Variants in TECPR1 observed in about 807,000 individuals in gnomAD.
The protein encoded by TECPR1 is tectonin beta-propeller repeat containing 1, also known as tectonin beta-propeller repeat-containing protein 1.
A neutral mutation model predicts 162.4 loss-of-function variants in TECPR1; 122 were observed. That is an observed-to-expected ratio of 0.75 (90% CI 0.65 to 0.87). The LOEUF (loss-of-function observed/expected upper bound fraction) is 0.87, where lower values mean the gene tolerates loss of function less well. Ranked by LOEUF, TECPR1 falls within the 40% of genes least tolerant of loss-of-function variation. The pLI, the probability that TECPR1 is intolerant of heterozygous loss-of-function variation, is 0.00. For missense variants in TECPR1, 1,432 were observed against 1,618.2 expected (o/e 0.88, Z 1.97); for synonymous variants, 642 against 670.6 (o/e 0.96, Z 0.66).
At chr7:98,230,137 C>T (rs1798386318) in intron 15 of TECPR1, among the ~76,000 whole-genome samples, 1 of 151,820 alleles carries the variant, frequency 6.6e-6, no homozygotes, top group Non-Finnish European at 1.5e-5. Flanking sequence ...GCTGGAACTA[C>T]AAGTGCATGA....
chr7:98,234,052 C>T (rs1039088486), intron 10 of TECPR1, 141 bp from the exon 11 acceptor site: 1 of 1,178,308 alleles, frequency 8.5e-7, no homozygotes, highest in African/African-American at 1.6e-5. Context: ...CTGTCTCTTC[C>T]TCTGTGCAAG....
intron 22 of TECPR1, 84 bp from the exon 23 acceptor site, chr7:98,221,837 G>A: frequency 2.8e-6 from 3 of 1,078,868 alleles, no homozygotes; most frequent in Non-Finnish European, 4.1e-6. Context: ...GTCCCCAGCT[G>A]CCTCTCGGAT....
In TECPR1 at chr7:98,231,180, T is replaced by G. The variant is rs773702938; in HGVS notation, c.2124+44A>C. 9 of 1,608,642 alleles carry G rather than the reference T, an allele frequency of 5.6e-6. No homozygotes were observed. In the East Asian group the frequency reaches 2.0e-4, roughly 36 times the overall value. On this transcript the variant is annotated intron_variant, in intron 14 of 25. Coordinates refer to ENST00000447648, the MANE Select transcript of TECPR1 (RefSeq NM_015395.3). Reference sequence around the variant, plus strand: ...CAGGCCAGGCCAGGCCACCCCACCATGGCTATCCCTCCCCCCGGCCCGAGG... The same window carrying G: ...CAGGCCAGGCCAGGCCACCCCACCAGGGCTATCCCTCCCCCCGGCCCGAGG...
At chr7:98,247,867 C>T (rs1319066763) in intron 2 of TECPR1, among the ~76,000 whole-genome samples, 2 of 152,136 alleles carry the variant, frequency 1.3e-5, no homozygotes, top group Non-Finnish European at 2.9e-5. Context: ...GGACTACAGG[C>T]ATGTGCCACC....
Position 98,233,773 on chromosome 7 carries a change from G to T in TECPR1, c.1320C>A (p.Ala440=), listed in dbSNP as rs539872749. 1 of 1,612,386 alleles carries T rather than the reference G, an allele frequency of 6.2e-7. No individual in the cohort carries two copies. Among genetic ancestry groups the T allele is most frequent in the African/African-American group, 1.3e-5 (1 of 75,040 alleles). The part of the protein sequence containing the change: ...PAEPLDDSKN[A]TGNSASGLGA... The stretch of plus-strand genomic sequence containing the variant: ...CCAGGCCTGAGGCTGAGTTCCCTGT[G>T]GCATTCTTGGAATCGTCTAGAGGTT... Residue 440 remains alanine, a synonymous_variant, in exon 11 of 26, where the codon GCC becomes GCA. Coordinates refer to ENST00000447648, the MANE Select transcript of TECPR1 (RefSeq NM_015395.3).
intron 1 of TECPR1, chr7:98,251,916 T>C (rs1240624889): frequency 6.6e-6 from 1 of 152,254 alleles, no homozygotes; most frequent in African/African-American, 2.4e-5. Flanking sequence ...CCAGGCAACT[T>C]CGCTAGCCTG....
In TECPR1 at chr7:98,217,503, C is replaced by A; in HGVS notation, c.3385G>T (p.Gly1129Ter). 1 of 1,600,562 alleles carries A rather than the reference C, an allele frequency of 6.2e-7. No individual in the cohort carries two copies. The highest frequency in any genetic ancestry group is 2.3e-5 in the East Asian group (1 of 44,324). The stretch of plus-strand genomic sequence containing the variant: ...CGGACAGAGATATGGTCCCAGCCTC[C>A]CTGGAAGGAGAGAGCTGTGTCACCA... ...KGHGWDYGIG[G>*]GWDHISVRAN... Residue 1129 changes from glycine to a stop codon, truncating the protein, a stop_gained and splice_region_variant, in exon 26 of 26, where the codon GGA (glycine) becomes TGA (stop). Transcript: ENST00000447648. LOFTEE classifies it high-confidence loss of function.
At chr7:98,246,884 CT>C (rs1054591183) in intron 2 of TECPR1, among the ~76,000 whole-genome samples, 3 of 151,872 alleles carry the variant, frequency 2.0e-5, no homozygotes, top group Admixed American at 1.3e-4. Flanking sequence ...CGCCCGGTCT[CT>C]TTTTTGTTTT....
chr7:98,228,732 C>T (rs966679811), intron 16 of TECPR1: 3 of 303,702 alleles, frequency 9.9e-6, no homozygotes, highest in African/African-American at 6.3e-5. Context: ...ATCGGGGGGC[C>T]ACAGAAGTTC....
rs1441963710 is a variant in TECPR1, at chr7:98,214,775, T to TG, written c.*2614dup. On this transcript the variant is annotated 3_prime_UTR_variant, in exon 26 of 26. Coordinates refer to ENST00000447648, the MANE Select transcript of TECPR1 (RefSeq NM_015395.3). ...CTTCCTGGGGGGCAGCAGGAGTGCC[T>TG]GGGGGTCACCGCCTTCAGGACAATG... The TG allele has an allele frequency of 6.6e-6, 1 of 152,344 alleles. No individual in the cohort carries two copies. Among genetic ancestry groups the TG allele is most frequent in the African/African-American group, 2.4e-5 (1 of 41,432 alleles). 9.4% of individuals were successfully genotyped at this position (152,344 alleles called of 1,614,324 possible). A position where few individuals can be genotyped will look rare whatever the true frequency, so the allele number is the denominator to read the frequency against.
chr7:98,222,821 C>A (rs1351685512), intron 21 of TECPR1, 169 bp downstream of exon 21: 4 of 948,140 alleles, frequency 4.2e-6, no homozygotes, highest in Non-Finnish European at 6.4e-6. Context: ...GTCACCCCCG[C>A]CCCACCCGCC....
intron 3 of TECPR1, 67 bp downstream of exon 3, chr7:98,245,855 T>C: frequency 7.1e-7 from 1 of 1,399,716 alleles, no homozygotes; most frequent in Non-Finnish European, 9.9e-7. Flanking sequence ...CCTTCTGTGG[T>C]TCATCATTTT....
chr7:98,233,790 C>T lies in TECPR1; in HGVS notation c.1303G>A (p.Asp435Asn). The T allele has an allele frequency of 6.2e-7, 1 of 1,611,326 alleles. No individual in the cohort carries two copies. The highest frequency in any genetic ancestry group is 8.5e-7 in the Non-Finnish European group (1 of 1,179,238). The change falls in exon 11 of 26, where the codon GAC (aspartate) becomes AAC (asparagine). Residue 435 changes from aspartate (D) to asparagine (N), a missense_variant. Transcript: ENST00000447648. ...TTCCCTGTGGCATTCTTGGAATCGT[C>T]TAGAGGTTCTGCAGGGAGAATCTGG... ...PGQILPAEPLDDSKNATGNSA... is the reference protein window; with the variant it reads ...PGQILPAEPLNDSKNATGNSA...
In TECPR1 at chr7:98,241,407, G is replaced by C. The variant is rs978523493; in HGVS notation, c.658-163C>G. 1 of 779,122 alleles carries C rather than the reference G, an allele frequency of 1.3e-6. No homozygotes were observed. Among genetic ancestry groups the C allele is most frequent in the South Asian group, 1.8e-5 (1 of 55,502 alleles). The allele number at this position is 779,122 out of a possible 1,614,324, so 48.3% of individuals were successfully genotyped here. On this transcript the variant is annotated intron_variant, in intron 6 of 25. Transcript: ENST00000447648. The surrounding 1 kb of genome is among the most constrained non-coding windows in gnomAD (Gnocchi z 5.0). ...AAAAACGCAAACCCTGGATTCCGGT[G>C]GTCCTGAGGGATACACTTGTTCCAT...
intron 21 of TECPR1, 26 bp from the exon 22 acceptor site, chr7:98,222,547 AGGTCAC>A: frequency 6.4e-7 from 1 of 1,554,028 alleles, no homozygotes; most frequent in South Asian, 1.2e-5. Context: ...AGGGGCGCTG[AGGTCAC>A]CAGGGCCCCC....
At chr7:98,221,468 C>T (rs530822218) in intron 23 of TECPR1, among the ~76,000 whole-genome samples, 193 bp downstream of exon 23, 35 of 131,808 alleles carry the variant, frequency 2.7e-4, no homozygotes, top group African/African-American at 7.1e-4. Flanking sequence ...CACTCTGTAC[C>T]CATAAAAATT....
At chr7:98,242,674 T>C (rs372445655) in intron 6 of TECPR1, among the ~76,000 whole-genome samples, 206 of 90,792 alleles carry the variant, frequency 2.3e-3, no homozygotes, top group Middle Eastern at 0.013. Context: ...TATCCATCTA[T>C]CCATACACCC....
chr7:98,227,821 C>CAAAAA (rs61468739), intron 17 of TECPR1, among the ~76,000 whole-genome samples, 193 bp downstream of exon 17: 6 of 102,594 alleles, frequency 5.8e-5, no homozygotes, highest in African/African-American at 1.9e-4. Flanking sequence ...GACCCTGTAT[C>CAAAAA]AAAAAAAAAA....
chr7:98,238,460 C>T lies in TECPR1; in HGVS notation c.1035+49G>A, dbSNP rs765911667. The T allele has an allele frequency of 1.3e-5, 19 of 1,469,914 alleles. No homozygotes were observed. The East Asian group carries it at 4.2e-4, about 32-fold the overall frequency. 91.1% of individuals were successfully genotyped at this position (1,469,914 alleles called of 1,614,324 possible). A position where few individuals can be genotyped will look rare whatever the true frequency, so the allele number is the denominator to read the frequency against. ...AGGCTATTGGGTGGCATCAGGAGCC[C>T]CCATTCTGAGACCCCTGCTGTTTAG... On this transcript the variant is annotated intron_variant, in intron 9 of 25. Transcript: ENST00000447648.
Sources: gnomAD v4.1 joint callset for allele counts (sites outside exome capture counted in the v4.1 genomes callset) on GRCh38, gnomAD v4.1.1 for gene constraint, Gnocchi (gnomAD v3.1) non-coding constraint, MANE v1.5 for transcripts, NCBI Gene and HGNC (gene_info 2026-07-23, HGNC 2026-07-21) for gene names.